The following OTOGL variants were observed in gnomAD, a reference collection of about 807,000 sequenced individuals.
OTOGL encodes the protein otogelin-like protein.
A neutral mutation model predicts 318.5 loss-of-function variants in OTOGL; 285 were observed. That is an observed-to-expected ratio of 0.89 (90% CI 0.81 to 0.99). OTOGL has a LOEUF of 0.99. Ranked by LOEUF, OTOGL falls within the 50% of genes least tolerant of loss-of-function variation. The pLI is 0.00. For synonymous variants in OTOGL, 987 were observed against 936.5 expected (o/e 1.05, Z -0.99); for missense variants, 2,899 against 2,845.6 (o/e 1.02, Z -0.43).
intron 52 of OTOGL, among the ~76,000 whole-genome samples, chr12:80,362,900 G>C: frequency 6.6e-6 from 1 of 152,106 alleles, no homozygotes; most frequent in Non-Finnish European, 1.5e-5. Context: ...ATAGCTAACT[G>C]AAGGAAGAAT....
In OTOGL at chr12:80,251,730, G is replaced by A; in HGVS notation, c.1090G>A (p.Glu364Lys). 1 of 1,595,538 alleles carries A rather than the reference G, an allele frequency of 6.3e-7. No homozygotes were observed. Among genetic ancestry groups the A allele is most frequent in the Non-Finnish European group, 8.5e-7 (1 of 1,170,212 alleles). The change falls in exon 12 of 59, where the codon GAG becomes AAG. Residue 364 changes from glutamate to lysine, a missense_variant. Physicochemically the swap from Glu to Lys is moderately conservative, Grantham distance 56. This residue lies in a region of OTOGL where 2,607 missense variants were observed against 2,524.9 expected (regional missense o/e 1.03). Coordinates refer to ENST00000547103, the MANE Select transcript of OTOGL (RefSeq NM_001378609.3). ...DDETYCRAAT[E>K]YARACSHAGY... The stretch of plus-strand genomic sequence containing the variant: ...TGAAACCTATTGCCGAGCAGCCACT[G>A]AGTATGCTAGAGCCTGCTCTCATGC...
rs144264453 is a variant in OTOGL at position 80,219,204 on chromosome 12, C to T, written c.236-610C>T. Among the ~76,000 whole-genome samples, 942 of 151,752 alleles carry T rather than the reference C, an allele frequency of 6.2e-3. 13 individuals carry two copies. Among genetic ancestry groups the T allele is most frequent in the African/African-American group, 0.022 (903 of 41,386 alleles). ...TCGGCTCACTGCAACCACCACTGCCCGGGTTCAAGTGATTCTCCTGCCTCA... is the reference window on the plus strand; with the variant it reads ...TCGGCTCACTGCAACCACCACTGCCTGGGTTCAAGTGATTCTCCTGCCTCA... On this transcript the variant is annotated intron_variant, in intron 5 of 58. Transcript: ENST00000547103.
chr12:80,103,081 C>T lies in OTOGL; in HGVS notation c.-20+3476C>T, dbSNP rs531052654. 3.7e-5 allele frequency: 42 copies of T among 1,148,210 alleles called. No individual in the cohort carries two copies. The Admixed American group carries it at 4.7e-4, about 13-fold the overall frequency. 71.1% of individuals were successfully genotyped at this position (1,148,210 alleles called of 1,614,324 possible). On this transcript the variant is annotated intron_variant, in intron 1 of 58. Transcript: ENST00000547103. ...GTGCCATTAGCCTTTTCCCGCTGCACCCATTCAATGTAGATAACATATTTC... is the reference window on the plus strand; with the variant it reads ...GTGCCATTAGCCTTTTCCCGCTGCATCCATTCAATGTAGATAACATATTTC...
chr12:80,108,953 TACAC>T (rs1290126061), intron 1 of OTOGL, among the ~76,000 whole-genome samples: 5 of 142,734 alleles, frequency 3.5e-5, no homozygotes, highest in South Asian at 4.4e-4. Flanking sequence ...TATATATATA[TACAC>T]ACACACATAT....
intron 1 of OTOGL, among the ~76,000 whole-genome samples, chr12:80,172,044 G>T (rs1255074866): frequency 1.3e-5 from 2 of 151,918 alleles, no homozygotes; most frequent in African/African-American, 4.8e-5. Flanking sequence ...CACAAATTTT[G>T]ATATATTTTA....
chr12:80,364,096 TA>T (rs1442877000), intron 52 of OTOGL, among the ~76,000 whole-genome samples: 1 of 152,182 alleles, frequency 6.6e-6, no homozygotes, highest in Non-Finnish European at 1.5e-5. Flanking sequence ...CCAAGAATTT[TA>T]AAATGACTTT....
intron 33 of OTOGL, among the ~76,000 whole-genome samples, chr12:80,319,642 T>C (rs1887198131): frequency 6.6e-6 from 1 of 152,140 alleles, no homozygotes. Flanking sequence ...AATATTGAAT[T>C]TGGGAGAGCT....
At chr12:80,167,119 T>C (rs1873879901) in intron 1 of OTOGL, among the ~76,000 whole-genome samples, 1 of 152,192 alleles carries the variant, frequency 6.6e-6, no homozygotes, top group Non-Finnish European at 1.5e-5. Context: ...CCTTTAAACT[T>C]TGTGCTGAAG....
At chr12:80,286,721 C>T (rs77504788) in intron 26 of OTOGL, among the ~76,000 whole-genome samples, 1 of 152,014 alleles carries the variant, frequency 6.6e-6, no homozygotes, top group Non-Finnish European at 1.5e-5. Context: ...TGGTGATCTC[C>T]CCTTTGTCAT....
chr12:80,347,217 G>A lies in OTOGL; in HGVS notation c.5265+5055G>A, dbSNP rs372421588. On this transcript the variant is annotated intron_variant, in intron 44 of 58. Transcript: ENST00000547103. ...AGGTTTGTTATATAGGTATACAAGC[G>A]CCACGGTGGTTTGCTGCACCCAACA... Among the ~76,000 whole-genome samples, 343 of 151,876 alleles carry A rather than the reference G, an allele frequency of 2.3e-3. 1 individual carries two copies. The highest frequency in any genetic ancestry group is 7.6e-3 in the African/African-American group (316 of 41,406).
At position 80,328,756 on chromosome 12, in the gene OTOGL, C is replaced by A; in HGVS notation, c.4279+12C>A. 1 of 1,574,432 alleles carries A rather than the reference C, an allele frequency of 6.4e-7. No individual in the cohort carries two copies. Among genetic ancestry groups the A allele is most frequent in the Non-Finnish European group, 8.7e-7 (1 of 1,146,490 alleles). On this transcript the variant is annotated intron_variant, in intron 36 of 58. Transcript: ENST00000547103. The stretch of plus-strand genomic sequence containing the variant: ...TTATCCACGAGACTGTAAGTGTGAA[C>A]GTTGCTTAATTTACTCTGAAAAATT...
At chr12:80,364,938 C>T (rs1890438006) in intron 52 of OTOGL, among the ~76,000 whole-genome samples, 1 of 151,914 alleles carries the variant, frequency 6.6e-6, no homozygotes, top group Admixed American at 6.6e-5. Context: ...CACATCTTGC[C>T]TGAATATAAA....
intron 1 of OTOGL, among the ~76,000 whole-genome samples, chr12:80,189,178 G>C (rs956626058): frequency 2.0e-5 from 3 of 152,192 alleles, no homozygotes; most frequent in Non-Finnish European, 4.4e-5. Flanking sequence ...GAAGAAGGAA[G>C]TATAGGATTC....
At chr12:80,257,626 G>C (rs1191211740) in intron 17 of OTOGL, among the ~76,000 whole-genome samples, 199 bp from the exon 18 acceptor site, 1 of 151,978 alleles carries the variant, frequency 6.6e-6, no homozygotes, top group Non-Finnish European at 1.5e-5. Flanking sequence ...AGGAAGGAGG[G>C]AGAAAAGGAG....
At chr12:80,291,474 T>C (rs1885038310) in intron 26 of OTOGL, among the ~76,000 whole-genome samples, 1 of 152,232 alleles carries the variant, frequency 6.6e-6, no homozygotes, top group African/African-American at 2.4e-5. Flanking sequence ...TAAGGATTTA[T>C]ATGTGCCTGC....
intron 1 of OTOGL, among the ~76,000 whole-genome samples, chr12:80,108,848 G>A (rs373188203): frequency 5.4e-5 from 7 of 130,052 alleles, no homozygotes; most frequent in East Asian, 2.2e-4. Flanking sequence ...ATATATATGT[G>A]TATATATATG....
At chr12:80,313,106 A>C (rs1010514362) in intron 30 of OTOGL, among the ~76,000 whole-genome samples, 2 of 152,238 alleles carry the variant, frequency 1.3e-5, no homozygotes, top group African/African-American at 4.8e-5. Context: ...AAAGAAAGGA[A>C]AGAAGGAAGA....
Position 80,378,057 on chromosome 12 carries a change from G to A in OTOGL, c.*9G>A. On this transcript the variant is annotated 3_prime_UTR_variant, in exon 59 of 59. Coordinates refer to ENST00000547103, the MANE Select transcript of OTOGL (RefSeq NM_001378609.3). ...CGTGCCAGTGGAATTAAACCCTTGG[G>A]TTCCAAGAGCTCTATACAACATCAT... 1.9e-6 allele frequency: 3 copies of A among 1,547,962 alleles called. No individual in the cohort carries two copies. The highest frequency in any genetic ancestry group is 2.6e-6 in the Non-Finnish European group (3 of 1,138,912).
intron 1 of OTOGL, among the ~76,000 whole-genome samples, chr12:80,101,538 G>A (rs1869138917): frequency 6.6e-6 from 1 of 152,076 alleles, no homozygotes; most frequent in African/African-American, 2.4e-5. Flanking sequence ...TGTAAAATAA[G>A]ACAAATAATT....
Sources: gnomAD v4.1 joint callset for allele counts (sites outside exome capture counted in the v4.1 genomes callset) on GRCh38, gnomAD v4.1.1 for gene constraint, gnomAD v4.1.1 regional missense constraint, MANE v1.5 for transcripts, NCBI Gene and HGNC (gene_info 2026-07-23, HGNC 2026-07-21) for gene names.